Variants in TMEM181 observed in about 807,000 individuals in gnomAD.
The protein encoded by TMEM181 is G protein-coupled receptor 178.
A neutral mutation model predicts 71.9 loss-of-function variants in TMEM181; 39 were observed. That is an observed-to-expected ratio of 0.54 (90% CI 0.42 to 0.71). The LOEUF (loss-of-function observed/expected upper bound fraction) is 0.71. Among genes scored for constraint, TMEM181 ranks in the 30% least tolerant of loss-of-function variants. TMEM181 has a pLI of 0.00. For synonymous variants in TMEM181, 245 were observed against 228.8 expected, an observed-to-expected ratio of 1.07 and a Z score of -0.64; for missense variants, 595 against 583.0, an observed-to-expected ratio of 1.02 and a Z score of -0.21.
intron 1 of TMEM181, among the ~76,000 whole-genome samples, chr6:158,538,495 C>A (rs1234559098): frequency 6.9e-6 from 1 of 144,222 alleles, no homozygotes; most frequent in Non-Finnish European, 1.5e-5. Context: ...GGGAATATTT[C>A]TTTGGCAACA....
exon 1 of TMEM181, chr6:158,536,793 G>A (rs1282164432): frequency 6.4e-7 from 1 of 1,564,676 alleles, no homozygotes; most frequent in Admixed American, 1.8e-5. Context: ...AAGCACCTGT[G>A]CCGGCGGCTG....
intron 13 of TMEM181, chr6:158,626,352 G>T (rs1342989132): frequency 2.2e-6 from 1 of 456,292 alleles, no homozygotes; most frequent in Non-Finnish European, 4.4e-6. Flanking sequence ...GTAATTGCTT[G>T]GTGGTTTATG....
At chr6:158,587,426 A>C (rs942804492) in intron 5 of TMEM181, among the ~76,000 whole-genome samples, 1 of 152,194 alleles carries the variant, frequency 6.6e-6, no homozygotes, top group Non-Finnish European at 1.5e-5. Context: ...CTAACCCTGC[A>C]AGGAGCATTG....
intron 1 of TMEM181, among the ~76,000 whole-genome samples, chr6:158,570,251 G>C (rs1427384448): frequency 8.1e-6 from 1 of 123,686 alleles, no homozygotes; most frequent in East Asian, 2.3e-4. Flanking sequence ...TTTTTTTTTT[G>C]AGATGGAGTC....
At chr6:158,546,311 T>G (rs189363522) in intron 1 of TMEM181, among the ~76,000 whole-genome samples, 9 of 152,358 alleles carry the variant, frequency 5.9e-5, no homozygotes, top group Non-Finnish European at 1.2e-4. Flanking sequence ...GTAGTTCTCA[T>G]CATTGGCAGC....
At chr6:158,619,049 T>G (rs992265377) in intron 10 of TMEM181, among the ~76,000 whole-genome samples, 1 of 152,220 alleles carries the variant, frequency 6.6e-6, no homozygotes, top group African/African-American at 2.4e-5. Context: ...CTTGCTAGGT[T>G]GGGGAAGTTC....
At chr6:158,615,612 T>C (rs957679149) in intron 10 of TMEM181, among the ~76,000 whole-genome samples, 2 of 152,210 alleles carry the variant, frequency 1.3e-5, no homozygotes, top group African/African-American at 4.8e-5. Flanking sequence ...GTTTTTATGG[T>C]TTTAGGTCTA....
intron 1 of TMEM181, among the ~76,000 whole-genome samples, chr6:158,560,922 C>A (rs1001151894): frequency 3.3e-5 from 5 of 152,000 alleles, no homozygotes; most frequent in Admixed American, 6.5e-5. Flanking sequence ...ACCCAGCAGT[C>A]GCCTAGGTGT....
intron 13 of TMEM181, chr6:158,626,792 T>G (rs1321899509): frequency 2.2e-6 from 1 of 455,922 alleles, no homozygotes; most frequent in African/African-American, 2.0e-5. Flanking sequence ...ACCTCACTCA[T>G]GCCTTCACTC....
At position 158,631,992 on chromosome 6, in the gene TMEM181, T is replaced by G; in HGVS notation, c.*104T>G. The G allele has an allele frequency of 9.0e-7, 1 of 1,111,698 alleles. No individual in the cohort carries two copies. Among genetic ancestry groups the G allele is most frequent in the Non-Finnish European group, 1.3e-6 (1 of 773,172 alleles). 68.9% of individuals were successfully genotyped at this position (1,111,698 alleles called of 1,614,324 possible). A position where few individuals can be genotyped will look rare whatever the true frequency, so the allele number is the denominator to read the frequency against. On this transcript the variant is annotated 3_prime_UTR_variant, in exon 17 of 17. Transcript: ENST00000684151. Reference sequence around the variant, plus strand: ...TTCAGATTTTTCTTACAAGCAGAGATTTCCTGTTCATTTGTTTACATATTT... The same window carrying G: ...TTCAGATTTTTCTTACAAGCAGAGAGTTCCTGTTCATTTGTTTACATATTT...
intron 1 of TMEM181, among the ~76,000 whole-genome samples, chr6:158,546,903 T>A (rs149350317): frequency 0.02 from 3,057 of 152,228 alleles, 93 homozygotes; most frequent in African/African-American, 0.069. Context: ...GAGGTTGCAG[T>A]GAGCCGAGAT....
chr6:158,611,556 C>G (rs1309599788), intron 10 of TMEM181: 4 of 417,324 alleles, frequency 9.6e-6, no homozygotes, highest in Non-Finnish European at 1.9e-5. Context: ...AGCCTTAAAG[C>G]TGCAGGCTTC....
intron 1 of TMEM181, among the ~76,000 whole-genome samples, chr6:158,571,030 A>G (rs991274271): frequency 1.3e-5 from 2 of 151,500 alleles, no homozygotes; most frequent in African/African-American, 4.9e-5. Flanking sequence ...CTCCTGCTTC[A>G]GCCTCCTGAA....
intron 2 of TMEM181, among the ~76,000 whole-genome samples, chr6:158,575,486 G>A (rs1323551474): frequency 6.6e-6 from 1 of 152,040 alleles, no homozygotes. Flanking sequence ...GCTAATTTTT[G>A]TTGGTATTTT....
intron 1 of TMEM181, among the ~76,000 whole-genome samples, chr6:158,551,295 G>A (rs958415928): frequency 2.0e-5 from 3 of 151,988 alleles, no homozygotes; most frequent in African/African-American, 2.4e-5. Context: ...TTTTTGTTCT[G>A]CTTGATCTGA....
At chr6:158,548,412 A>T (rs1781608128) in intron 1 of TMEM181, among the ~76,000 whole-genome samples, 1 of 152,154 alleles carries the variant, frequency 6.6e-6, no homozygotes, top group South Asian at 2.1e-4. Context: ...TCATAGAAAA[A>T]CATGGGCCAG....
chr6:158,568,232 C>G (rs1782620506), intron 1 of TMEM181, among the ~76,000 whole-genome samples: 1 of 151,986 alleles, frequency 6.6e-6, no homozygotes, highest in African/African-American at 2.4e-5. Flanking sequence ...TGGAAGCGGG[C>G]TTTTCAGTAA....
At chr6:158,609,129 A>C (rs1187335136) in intron 10 of TMEM181, among the ~76,000 whole-genome samples, 1 of 151,862 alleles carries the variant, frequency 6.6e-6, no homozygotes, top group Non-Finnish European at 1.5e-5. Flanking sequence ...AAGGCTTACA[A>C]TCAAACTGTG....
intron 5 of TMEM181, among the ~76,000 whole-genome samples, chr6:158,586,414 T>G (rs1313268789): frequency 6.6e-6 from 1 of 152,208 alleles, no homozygotes; most frequent in Non-Finnish European, 1.5e-5. Flanking sequence ...GTCCACTCAT[T>G]GTCTCATTCA....
Sources: allele counts gnomAD v4.1 joint callset (sites outside exome capture counted in the v4.1 genomes callset), GRCh38; gene constraint gnomAD v4.1.1; transcripts MANE v1.5; gene names NCBI Gene and HGNC (gene_info 2026-07-23, HGNC 2026-07-21).